Variants in ST7 observed in about 807,000 individuals in gnomAD.
The protein encoded by ST7 is suppressor of tumorigenicity 7 protein.
Under a neutral mutation model 78.7 loss-of-function variants are expected in ST7, and 28 were observed. The observed-to-expected ratio is 0.36, with a 90% CI of 0.26 to 0.49. The LOEUF (loss-of-function observed/expected upper bound fraction) is 0.49. ST7 is among the 20% of genes least tolerant of loss of function. ST7 has a pLI of 0.99. For missense variants in ST7, 418 were observed against 696.0 expected (o/e 0.60, Z 4.49); for synonymous variants, 247 against 249.6 (o/e 0.99, Z 0.10).
Position 117,221,992 on chromosome 7 carries a change from G to C in ST7, c.1568G>C (p.Cys523Ser), listed in dbSNP as rs763316220. Residue 523 changes from cysteine to serine, a missense_variant, in exon 15 of 16, where the codon TGT becomes TCT. By Grantham distance (112) the Cys-to-Ser change is moderately radical. Around this residue, in one of 4 missense-constraint regions of ST7, gnomAD observed 288 missense variants for 537.1 expected, o/e 0.54. Transcript: ENST00000323984. ...PFFILFTAGL[C>S]SFTAMLALLT... ...TTTATTCTCTTTACTGCTGGATTAT[G>C]TTCCTTCACAGCCATGCTGGCCCTC... 1.2e-6 allele frequency: 2 copies of C among 1,613,154 alleles called. No individual in the cohort carries two copies. The highest frequency in any genetic ancestry group is 1.7e-6 in the Non-Finnish European group (2 of 1,179,602).
intron 9 of ST7, among the ~76,000 whole-genome samples, chr7:117,139,302 A>C (rs1452536068): frequency 1.3e-5 from 2 of 152,230 alleles, no homozygotes; most frequent in African/African-American, 4.8e-5. Context: ...CAATCTCAGA[A>C]AACCTTTGTC....
At chr7:117,005,027 A>G (rs1486048513) in intron 1 of ST7, among the ~76,000 whole-genome samples, 1 of 152,210 alleles carries the variant, frequency 6.6e-6, no homozygotes, top group Non-Finnish European at 1.5e-5. Context: ...TTGCTACTGC[A>G]TAATGCCTAG....
chr7:117,098,739 C>G (rs555735609), intron 1 of ST7: 1 of 1,290,756 alleles, frequency 7.7e-7, no homozygotes, highest in East Asian at 5.7e-5. Flanking sequence ...AGCCCTACTT[C>G]TAAAACCAGA....
rs561642518 is a variant in ST7 at position 117,078,593 on chromosome 7, G to A, written c.152-21169G>A. ...AGTGAGGCATAGAAATTTATGTCGA[G>A]CTGGACAGAGCTGAATGTCAGCCAC... On this transcript the variant is annotated intron_variant, in intron 1 of 15. Coordinates refer to ENST00000323984, the MANE Select transcript of ST7 (RefSeq NM_001369598.1). 2.0e-5 allele frequency among the ~76,000 whole-genome samples: 3 copies of A among 152,298 alleles called. No individual in the cohort carries two copies. The South Asian group carries it at 6.2e-4, about 32-fold the overall frequency.
chr7:117,051,413 G>T (rs1797786310), intron 1 of ST7, among the ~76,000 whole-genome samples: 1 of 152,186 alleles, frequency 6.6e-6, no homozygotes, highest in African/African-American at 2.4e-5. Flanking sequence ...ACAGAGAGGG[G>T]CTCAGCATGT....
chr7:117,020,043 G>T (rs1303724770), intron 1 of ST7: 1 of 152,260 alleles, frequency 6.6e-6, no homozygotes, highest in African/African-American at 2.4e-5. Context: ...GGGATGAAGA[G>T]CTGCGCAGGA....
At position 116,953,521 on chromosome 7, in the gene ST7, G is replaced by T; in HGVS notation, c.-20G>T. On this transcript the variant is annotated 5_prime_UTR_variant, in exon 1 of 16. Transcript: ENST00000323984. ...CCGGCAGACACCAAGAGCCGCGGCA[G>T]CAGAGAGGAGCGCTGAAACATGGCT... is the stretch of plus-strand genomic sequence containing the variant. The T allele has an allele frequency of 7.5e-7, 1 of 1,337,830 alleles. No individual in the cohort carries two copies. The highest frequency in any genetic ancestry group is 1.7e-5 in the South Asian group (1 of 57,336). 82.9% of individuals were successfully genotyped at this position (1,337,830 alleles called of 1,614,324 possible).
intron 1 of ST7, among the ~76,000 whole-genome samples, chr7:117,084,955 A>G (rs1206656853): frequency 6.6e-6 from 1 of 152,128 alleles, no homozygotes; most frequent in Non-Finnish European, 1.5e-5. Flanking sequence ...TTCTGTTTCC[A>G]GGTTTTTAGA....
chr7:116,967,387 C>T (rs1412963433), intron 1 of ST7: 5 of 471,228 alleles, frequency 1.1e-5, no homozygotes, highest in South Asian at 7.7e-5. Flanking sequence ...ACTGCTGTCC[C>T]CTCTCCCTGC....
chr7:117,163,644 T>G (rs1807326042), intron 9 of ST7, among the ~76,000 whole-genome samples: 1 of 152,112 alleles, frequency 6.6e-6, no homozygotes, highest in African/African-American at 2.4e-5. Context: ...TTGGATTGTT[T>G]GTTGTTTTGC....
chr7:116,973,829 A>T (rs1317027474), intron 1 of ST7, among the ~76,000 whole-genome samples: 1 of 152,220 alleles, frequency 6.6e-6, no homozygotes, highest in Non-Finnish European at 1.5e-5. Context: ...TAATTGTTAT[A>T]TAGTATTTCA....
At chr7:117,097,870 TGAC>T (rs1460225910) in intron 1 of ST7, among the ~76,000 whole-genome samples, 6 of 53,446 alleles carry the variant, frequency 1.1e-4, no homozygotes, top group East Asian at 4.4e-4. Context: ...TATATATATA[TGAC>T]ATATCACTAT....
At chr7:117,036,968 A>C (rs1441366548) in intron 1 of ST7, among the ~76,000 whole-genome samples, 1 of 152,082 alleles carries the variant, frequency 6.6e-6, no homozygotes, top group Non-Finnish European at 1.5e-5. Flanking sequence ...TGTGCTTCCT[A>C]ATAAGCTTCC....
chr7:117,043,075 A>G lies in ST7; in HGVS notation c.152-56687A>G, dbSNP rs1300500233. Among the ~76,000 whole-genome samples the G allele has an allele frequency of 3.9e-5, 6 of 152,218 alleles. No individual in the cohort carries two copies. In the South Asian group the frequency reaches 6.2e-4, roughly 16 times the overall value. On this transcript the variant is annotated intron_variant, in intron 1 of 15. Coordinates refer to ENST00000323984, the MANE Select transcript of ST7 (RefSeq NM_001369598.1). ...AAAACAATTCACCTTTTTGTTTTAGAACTAATGTAATCCATAAAGGATTAA... is the reference window on the plus strand; with the variant it reads ...AAAACAATTCACCTTTTTGTTTTAGGACTAATGTAATCCATAAAGGATTAA...
At chr7:117,063,936 T>C (rs1798492552) in intron 1 of ST7, among the ~76,000 whole-genome samples, 1 of 152,216 alleles carries the variant, frequency 6.6e-6, no homozygotes, top group Admixed American at 6.5e-5. Context: ...GTATCAGTGT[T>C]CTTGTATGAT....
At chr7:117,049,098 G>C (rs189020628) in intron 1 of ST7, among the ~76,000 whole-genome samples, 13 of 152,270 alleles carry the variant, frequency 8.5e-5, no homozygotes, top group African/African-American at 2.9e-4. Flanking sequence ...ACTGGCAGCT[G>C]GTGTTTATCT....
chr7:117,049,400 T>C (rs572954676), intron 1 of ST7, among the ~76,000 whole-genome samples: 1 of 152,354 alleles, frequency 6.6e-6, no homozygotes, highest in South Asian at 2.1e-4. Context: ...TCTCCTGTTA[T>C]CTTGACATTT....
In ST7 at chr7:117,190,074, T is replaced by TA. The variant is rs1471382782; in HGVS notation, c.1151+683dup. ...CTGCTGTATCAGACAGGTTTGCTGTTAAGTGTGTGTACACTTCAAGACCAA... is the reference window on the plus strand; with the variant it reads ...CTGCTGTATCAGACAGGTTTGCTGTTAAAGTGTGTGTACACTTCAAGACCAA... On this transcript the variant is annotated intron_variant, in intron 11 of 15. Transcript: ENST00000323984. This position sits in a 1 kb window ranked among gnomAD's most constrained non-coding sequence, Gnocchi z 5.2. The TA allele has an allele frequency of 6.1e-6, 1 of 164,194 alleles. No individual in the cohort carries two copies. Among genetic ancestry groups the TA allele is most frequent in the Non-Finnish European group, 1.5e-5 (1 of 68,166 alleles). The allele number at this position is 164,194 out of a possible 1,614,324, so 10.2% of individuals were successfully genotyped here. A position where few individuals can be genotyped will look rare whatever the true frequency, so the allele number is the denominator to read the frequency against.
At position 117,002,813 on chromosome 7, in the gene ST7, C is replaced by CTTTT. The variant is rs397970060; in HGVS notation, c.151+49145_151+49148dup. On this transcript the variant is annotated intron_variant, in intron 1 of 15. Transcript: ENST00000323984. ...AGATGCATCTACTGAATTTTTTTTC[C>CTTTT]TTTTTTTTTTTTTTTTTTTTTTTTT... is the stretch of plus-strand genomic sequence containing the variant. 2.8e-4 allele frequency among the ~76,000 whole-genome samples: 20 copies of CTTTT among 72,146 alleles called. 1 individual carries two copies. The highest frequency in any genetic ancestry group is 5.1e-4 in the East Asian group (1 of 1,972). 47.3% of individuals were successfully genotyped at this position (72,146 alleles called of 152,430 possible).
Sources: gnomAD v4.1 joint callset for allele counts (sites outside exome capture counted in the v4.1 genomes callset) on GRCh38, gnomAD v4.1.1 for gene constraint, gnomAD v4.1.1 regional missense constraint, Gnocchi (gnomAD v3.1) non-coding constraint, MANE v1.5 for transcripts, NCBI Gene and HGNC (gene_info 2026-07-23, HGNC 2026-07-21) for gene names.